Variants in ANKRD44 observed in about 807,000 individuals in gnomAD.
The protein encoded by ANKRD44 is serine/threonine-protein phosphatase 6 regulatory ankyrin repeat subunit B.
ANKRD44 carries 35 observed loss-of-function variants against 116.0 expected under a neutral mutation model. The observed-to-expected ratio is 0.30, with a 90% CI of 0.23 to 0.40. The LOEUF is 0.40. ANKRD44 is among the 10% of genes least tolerant of loss of function. ANKRD44 has a pLI of 1.00. For synonymous variants in ANKRD44, 435 were observed against 461.8 expected, an observed-to-expected ratio of 0.94 and a Z score of 0.74; for missense variants, 1,014 against 1,242.6, an observed-to-expected ratio of 0.82 and a Z score of 2.77.
At chr2:197,086,268 T>C (rs2077920230) in intron 13 of ANKRD44, among the ~76,000 whole-genome samples, 1 of 152,186 alleles carries the variant, frequency 6.6e-6, no homozygotes, top group Non-Finnish European at 1.5e-5. Context: ...CCATTGGTGG[T>C]GTGTGTGCAC....
rs575363591 is a variant in ANKRD44, at chr2:197,191,960, G to A, written c.28-4854C>T. On this transcript the variant is annotated intron_variant, in intron 1 of 27. Coordinates refer to ENST00000282272, the MANE Select transcript of ANKRD44 (RefSeq NM_001195144.2). ...AATTCAATTATTATGTCAATTCCATGAAAAAAATATGCTACTGATGTCATC... is the reference window on the plus strand; with the variant it reads ...AATTCAATTATTATGTCAATTCCATAAAAAAAATATGCTACTGATGTCATC... Among the ~76,000 whole-genome samples, 33 of 152,116 alleles carry A rather than the reference G, an allele frequency of 2.2e-4. No homozygotes were observed. The South Asian group carries it at 2.9e-3, about 13-fold the overall frequency.
chr2:196,979,597 C>A (rs1422772895), intron 21 of ANKRD44, among the ~76,000 whole-genome samples: 1 of 91,078 alleles, frequency 1.1e-5, no homozygotes, highest in Non-Finnish European at 2.0e-5. Flanking sequence ...GAGTTTGGCT[C>A]TTGTTGCCCA....
chr2:197,193,689 C>G (rs2080878132), intron 1 of ANKRD44, among the ~76,000 whole-genome samples: 1 of 152,030 alleles, frequency 6.6e-6, no homozygotes, highest in Admixed American at 6.6e-5. Context: ...ACCATCCTGG[C>G]TAACACGGTG....
chr2:197,309,556 G>C (rs2084177040), intron 1 of ANKRD44, among the ~76,000 whole-genome samples: 1 of 152,176 alleles, frequency 6.6e-6, no homozygotes, highest in African/African-American at 2.4e-5. Context: ...CCATGGACAA[G>C]TTTGAGGTAT....
chr2:197,241,770 T>C (rs1451789964), intron 1 of ANKRD44, among the ~76,000 whole-genome samples: 3 of 152,040 alleles, frequency 2.0e-5, no homozygotes, highest in Non-Finnish European at 2.9e-5. Context: ...GATAGTAACA[T>C]GAGAATAAAA....
chr2:197,203,656 A>G lies in ANKRD44; in HGVS notation c.28-16550T>C, dbSNP rs1416070489. ...TGTTGAAGCAAAAACGTGTACCTAA[A>G]TGTCCACAGCAGTACTATTCACAAC... On this transcript the variant is annotated intron_variant, in intron 1 of 27. Transcript: ENST00000282272. This position sits in a 1 kb window ranked among gnomAD's most constrained non-coding sequence, Gnocchi z 4.1. Among the ~76,000 whole-genome samples, 1 of 152,228 alleles carries G rather than the reference A, an allele frequency of 6.6e-6. No homozygotes were observed. Among genetic ancestry groups the G allele is most frequent in the Non-Finnish European group, 1.5e-5 (1 of 68,038 alleles).
intron 2 of ANKRD44, among the ~76,000 whole-genome samples, chr2:197,162,894 C>A (rs1224308182): frequency 6.6e-6 from 1 of 152,232 alleles, no homozygotes; most frequent in Non-Finnish European, 1.5e-5. Flanking sequence ...CTTAATGCAT[C>A]TTAAACTTTT....
At chr2:197,144,532 C>T (rs1336505532) in intron 3 of ANKRD44, among the ~76,000 whole-genome samples, 1 of 152,128 alleles carries the variant, frequency 6.6e-6, no homozygotes, top group Non-Finnish European at 1.5e-5. Flanking sequence ...CCTCAGCTTC[C>T]ACAGGTAAAT....
intron 16 of ANKRD44, among the ~76,000 whole-genome samples, chr2:197,072,418 T>C (rs1252058687): frequency 6.6e-6 from 1 of 152,202 alleles, no homozygotes; most frequent in African/African-American, 2.4e-5. Flanking sequence ...GGAGGACCAG[T>C]TGCAATAAAA....
chr2:197,021,738 A>G (rs1285561321), intron 17 of ANKRD44, among the ~76,000 whole-genome samples: 3 of 152,264 alleles, frequency 2.0e-5, no homozygotes, highest in African/African-American at 7.2e-5. Context: ...CTGCACAATG[A>G]GAAAAATTTC....
chr2:197,004,810 A>C (rs2076173942), intron 21 of ANKRD44, among the ~76,000 whole-genome samples: 1 of 152,286 alleles, frequency 6.6e-6, no homozygotes, highest in Middle Eastern at 3.4e-3. Flanking sequence ...GGACATGCAC[A>C]TTGCTGCATT....
At chr2:197,085,521 G>A (rs1001490661) in intron 13 of ANKRD44, among the ~76,000 whole-genome samples, 2 of 152,132 alleles carry the variant, frequency 1.3e-5, no homozygotes, top group Non-Finnish European at 2.9e-5. Context: ...TGATGAAACA[G>A]GTCACAGTAA....
intron 1 of ANKRD44, among the ~76,000 whole-genome samples, chr2:197,259,752 C>A (rs533067739): frequency 2.9e-4 from 44 of 152,302 alleles, no homozygotes; most frequent in South Asian, 1.9e-3. Context: ...GTAGAGGGAG[C>A]CTGCCTTCTC....
intron 16 of ANKRD44, among the ~76,000 whole-genome samples, chr2:197,074,639 GC>G (rs1467565547): frequency 1.3e-5 from 2 of 151,994 alleles, no homozygotes; most frequent in African/African-American, 4.8e-5. Flanking sequence ...ACCATACCTG[GC>G]TAATTTTAAA....
chr2:197,224,112 C>T (rs1475784377), intron 1 of ANKRD44, among the ~76,000 whole-genome samples: 2 of 152,164 alleles, frequency 1.3e-5, no homozygotes, highest in Non-Finnish European at 2.9e-5. Flanking sequence ...TCCCTGAAGA[C>T]ATTCTGCATT....
chr2:197,190,148 G>A (rs570100111), intron 1 of ANKRD44, among the ~76,000 whole-genome samples: 1 of 152,238 alleles, frequency 6.6e-6, no homozygotes, highest in South Asian at 2.1e-4. Flanking sequence ...TTCCAATACT[G>A]AAGTCACATA....
intron 16 of ANKRD44, among the ~76,000 whole-genome samples, chr2:197,042,697 T>C (rs1486025711): frequency 6.6e-6 from 1 of 152,156 alleles, no homozygotes; most frequent in East Asian, 1.9e-4. Flanking sequence ...GGTCCTAAAC[T>C]GTTTATTTTT....
intron 1 of ANKRD44, among the ~76,000 whole-genome samples, chr2:197,260,984 G>C (rs916944327): frequency 2.6e-5 from 4 of 151,042 alleles, no homozygotes; most frequent in Admixed American, 1.3e-4. Flanking sequence ...TTAGCCCTTT[G>C]TCAGATCAGT....
chr2:197,037,305 T>C (rs1196369645), intron 16 of ANKRD44, among the ~76,000 whole-genome samples: 1 of 152,242 alleles, frequency 6.6e-6, no homozygotes, highest in African/African-American at 2.4e-5. Flanking sequence ...TTAGCTATAT[T>C]CTGCACCATA....
Sources: gnomAD v4.1 joint callset for allele counts (sites outside exome capture counted in the v4.1 genomes callset) on GRCh38, gnomAD v4.1.1 for gene constraint, Gnocchi (gnomAD v3.1) non-coding constraint, MANE v1.5 for transcripts, NCBI Gene and HGNC (gene_info 2026-07-23, HGNC 2026-07-21) for gene names.